GALNT13: variants seen among roughly 807,000 people sequenced by gnomAD.
The protein encoded by GALNT13 is UDP-GalNAc:polypeptide N-acetylgalactosaminyltransferase 13.
Under a neutral mutation model 64.2 loss-of-function variants are expected in GALNT13, and 28 were observed. That is an observed-to-expected ratio of 0.44 (90% CI 0.32 to 0.60). The LOEUF is 0.60. GALNT13 is among the 20% of genes least tolerant of loss of function. The probability of loss-of-function intolerance (pLI) is 0.05; values close to 1 mark genes in which losing one functional copy is unlikely to be tolerated. For synonymous variants in GALNT13, 214 were observed against 224.6 expected, an observed-to-expected ratio of 0.95 and a Z score of 0.42; for missense variants, 577 against 669.8, an observed-to-expected ratio of 0.86 and a Z score of 1.53.
the GALNT13 span, chr2:153,761,957 C>A: frequency 1.1e-5 from 2 of 185,858 alleles, no homozygotes; most frequent in South Asian, 2.6e-4. Context: ...GGTTCTTTGT[C>A]TCTTTCACCA....
the GALNT13 span, among the ~76,000 whole-genome samples, chr2:153,438,250 T>C: frequency 7.2e-5 from 11 of 152,274 alleles, no homozygotes; most frequent in Non-Finnish European, 1.2e-4. Flanking sequence ...TCTCTGGCTG[T>C]CCTTAACATT....
chr2:153,639,036 ATTGTTTTGTTTTGTTTTGTT>A, the GALNT13 span, among the ~76,000 whole-genome samples: 42,173 of 148,698 alleles, frequency 0.28, 6,419 homozygotes, highest in Admixed American at 0.43. Context: ...TAGTTGGAGA[ATTGTTTTGTTTTGTTTTGTT>A]TTGTTTTGTT....
At chr2:154,348,110 C>G (rs1161620883) in intron 9 of GALNT13, among the ~76,000 whole-genome samples, 1 of 151,962 alleles carries the variant, frequency 6.6e-6, no homozygotes, top group East Asian at 1.9e-4. Flanking sequence ...GTGTTATATC[C>G]CTGTGTTAAA....
At chr2:153,767,639 C>T in the GALNT13 span, among the ~76,000 whole-genome samples, 1 of 152,092 alleles carries the variant, frequency 6.6e-6, no homozygotes, top group East Asian at 1.9e-4. Flanking sequence ...TAGCAATAGC[C>T]ATTTTGAATG....
intron 3 of GALNT13, among the ~76,000 whole-genome samples, chr2:154,095,020 A>G (rs1702006570): frequency 6.6e-6 from 1 of 151,850 alleles, no homozygotes; most frequent in Non-Finnish European, 1.5e-5. Flanking sequence ...GAACTCTTTT[A>G]TTTTCAATAG....
intron 3 of GALNT13, among the ~76,000 whole-genome samples, chr2:154,051,914 C>T (rs1699642395): frequency 6.6e-6 from 1 of 152,104 alleles, no homozygotes; most frequent in Admixed American, 6.5e-5. Flanking sequence ...AAATGATATT[C>T]CTTTGTGAAA....
the GALNT13 span, among the ~76,000 whole-genome samples, chr2:153,466,592 C>T: frequency 6.6e-6 from 1 of 151,942 alleles, no homozygotes; most frequent in Admixed American, 6.6e-5. Context: ...CAGTGCCTCC[C>T]TTGGTGCAGA....
At chr2:154,381,660 G>A (rs1698278760) in intron 9 of GALNT13, among the ~76,000 whole-genome samples, 1 of 152,006 alleles carries the variant, frequency 6.6e-6, no homozygotes, top group African/African-American at 2.4e-5. Context: ...TTTCCAATGT[G>A]GGTTCTTTCA....
the GALNT13 span, among the ~76,000 whole-genome samples, chr2:153,458,935 C>T: frequency 1.3e-5 from 2 of 152,048 alleles, no homozygotes; most frequent in Admixed American, 1.3e-4. Flanking sequence ...TTCTCTGTTT[C>T]TAGGAGATAT....
the GALNT13 span, among the ~76,000 whole-genome samples, chr2:153,475,996 C>T: frequency 1.3e-5 from 2 of 152,154 alleles, no homozygotes; most frequent in Non-Finnish European, 2.9e-5. Flanking sequence ...TCCAAGACTC[C>T]TACTGACTAC....
intron 3 of GALNT13, among the ~76,000 whole-genome samples, chr2:153,963,345 G>A (rs1386024939): frequency 1.3e-5 from 2 of 152,136 alleles, no homozygotes; most frequent in Non-Finnish European, 2.9e-5. Flanking sequence ...CATTTAGGTC[G>A]TTTCCATCTT....
chr2:153,666,402 A>T, the GALNT13 span, among the ~76,000 whole-genome samples: 1 of 148,150 alleles, frequency 6.7e-6, no homozygotes, highest in Admixed American at 6.7e-5. Context: ...GTGTGCATGC[A>T]TGCATAAGAG....
At chr2:154,160,851 C>G (rs780736835) in intron 4 of GALNT13, among the ~76,000 whole-genome samples, 2 of 152,174 alleles carry the variant, frequency 1.3e-5, no homozygotes, top group African/African-American at 4.8e-5. Flanking sequence ...AATTTCTTAT[C>G]TTCTCCCACA....
At chr2:153,899,931 ATATATTTTT>A (rs1027698646) in intron 1 of GALNT13, among the ~76,000 whole-genome samples, 4 of 102,536 alleles carry the variant, frequency 3.9e-5, no homozygotes, top group African/African-American at 1.4e-4. Context: ...ATATATATAT[ATATATTTTT>A]TTTTTTTTTT....
chr2:154,202,368 ACTTAGCGTCC>A lies in GALNT13; in HGVS notation c.312-39661_312-39652del, dbSNP rs144530057. 5.2e-3 allele frequency among the ~76,000 whole-genome samples: 793 copies of A among 152,168 alleles called. 8 individuals carry two copies. The highest frequency in any genetic ancestry group is 0.018 in the African/African-American group (744 of 41,536). On this transcript the variant is annotated intron_variant, in intron 4 of 12. Coordinates refer to ENST00000392825, the MANE Select transcript of GALNT13 (RefSeq NM_052917.4). ...TCTATTTTTCAGGGAATGCTGCTGC[ACTTAGCGTCC>A]TTGAGATCACACTTCTACTTTTGGA...
chr2:154,270,093 A>G (rs1691273121), intron 8 of GALNT13, among the ~76,000 whole-genome samples: 1 of 151,368 alleles, frequency 6.6e-6, no homozygotes, highest in Non-Finnish European at 1.5e-5. Flanking sequence ...AACAACAGGT[A>G]AATTAGACAT....
the GALNT13 span, among the ~76,000 whole-genome samples, chr2:153,836,748 A>C: frequency 6.7e-6 from 1 of 149,486 alleles, no homozygotes; most frequent in Admixed American, 6.8e-5. Context: ...ATGAGTGAGA[A>C]CATGCGGTGT....
the GALNT13 span, among the ~76,000 whole-genome samples, chr2:153,606,326 T>C: frequency 6.6e-6 from 1 of 152,102 alleles, no homozygotes; most frequent in East Asian, 1.9e-4. Context: ...AGCCTATTTC[T>C]GGCTACTAGA....
chr2:153,516,283 C>CT, the GALNT13 span, among the ~76,000 whole-genome samples: 5 of 152,110 alleles, frequency 3.3e-5, no homozygotes, highest in African/African-American at 9.7e-5. Context: ...GTGCCAAAGT[C>CT]CTCAGTAAAC....
Sources: gnomAD v4.1 joint callset for allele counts (sites outside exome capture counted in the v4.1 genomes callset) on GRCh38, gnomAD v4.1.1 for gene constraint, MANE v1.5 for transcripts, NCBI Gene and HGNC (gene_info 2026-07-23, HGNC 2026-07-21) for gene names.